Variants in TRIM44 observed in about 807,000 individuals in gnomAD.
TRIM44 encodes tripartite motif-containing protein 44.
A neutral mutation model predicts 37.4 loss-of-function variants in TRIM44; 13 were observed. The ratio of observed to expected loss-of-function variants is 0.35; its 90% CI spans 0.23 to 0.55. TRIM44 has a LOEUF of 0.55. TRIM44 is among the 20% of genes least tolerant of loss of function. The pLI is 0.89. For missense variants in TRIM44, 426 were observed against 437.2 expected (o/e 0.97, Z 0.23); for synonymous variants, 175 against 157.2 (o/e 1.11, Z -0.85).
At chr11:35,781,198 A>G (rs2133872023) in intron 4 of TRIM44, among the ~76,000 whole-genome samples, 1 of 152,268 alleles carries the variant, frequency 6.6e-6, no homozygotes, top group East Asian at 1.9e-4. Flanking sequence ...TGTTATAGGC[A>G]AAGGAGCAGG....
rs1216732691 is a variant in TRIM44, at chr11:35,663,406, A to G, written c.295A>G (p.Ser99Gly). 5 of 1,589,546 alleles carry G rather than the reference A, an allele frequency of 3.1e-6. No homozygotes were observed. Among genetic ancestry groups the G allele is most frequent in the Non-Finnish European group, 4.3e-6 (5 of 1,166,692 alleles). The change falls in exon 1 of 5, where the codon AGT becomes GGT. Residue 99 changes from serine to glycine, a missense_variant. This residue lies in a region of TRIM44 where 331 missense variants were observed against 303.0 expected (regional missense o/e 1.09). Coordinates refer to ENST00000299413, the MANE Select transcript of TRIM44 (RefSeq NM_017583.6). ...REIESEAGEE[S>G]ESEEESESEE... is the part of the protein sequence containing the mutation. ...GATAGAAAGCGAGGCAGGGGAAGAG[A>G]GTGAGTCGGAGGAAGAGAGCGAGTC...
At chr11:35,766,146 C>T (rs529835758) in intron 4 of TRIM44, among the ~76,000 whole-genome samples, 34 of 152,254 alleles carry the variant, frequency 2.2e-4, no homozygotes, top group Admixed American at 2.0e-3. Flanking sequence ...TCTCTTCTTC[C>T]TATGTAATTT....
chr11:35,684,239 A>C (rs1026048180), intron 1 of TRIM44, among the ~76,000 whole-genome samples: 44 of 152,132 alleles, frequency 2.9e-4, no homozygotes, highest in African/African-American at 1.1e-3. Context: ...ATTGTGAAAT[A>C]CTAGATTTCA....
chr11:35,673,700 G>C (rs1042369809), intron 1 of TRIM44, among the ~76,000 whole-genome samples: 1 of 152,064 alleles, frequency 6.6e-6, no homozygotes. Flanking sequence ...ATCAAAATAG[G>C]ATGAGTTCAT....
chr11:35,744,838 A>G (rs1483242966), intron 4 of TRIM44, among the ~76,000 whole-genome samples: 3 of 151,962 alleles, frequency 2.0e-5, no homozygotes, highest in Non-Finnish European at 4.4e-5. Flanking sequence ...TTCTGTTCCT[A>G]TGTTAGTTTC....
chr11:35,663,468 T>A lies in TRIM44; in HGVS notation c.357T>A (p.Asp119Glu). 8 of 1,564,146 alleles carry A rather than the reference T, an allele frequency of 5.1e-6. No individual in the cohort carries two copies. Among genetic ancestry groups the A allele is most frequent in the Non-Finnish European group, 6.9e-6 (8 of 1,154,070 alleles). Residue 119 changes from aspartate (D) to glutamate (E), a missense_variant, in exon 1 of 5, where the codon GAT (aspartate) becomes GAA (glutamate). By Grantham distance (45) the Asp-to-Glu change is conservative (BLOSUM62 2). Coordinates refer to ENST00000299413, the MANE Select transcript of TRIM44 (RefSeq NM_017583.6). ...GCGAGACAGAGGAAGAGAGTGAGGATGAGAGCGATGAGGAGAGTGAAGAAG... is the reference window on the plus strand; with the variant it reads ...GCGAGACAGAGGAAGAGAGTGAGGAAGAGAGCGATGAGGAGAGTGAAGAAG... Reference protein sequence around the residue: ...EESETEEESEDESDEESEEDS... With the variant: ...EESETEEESEEESDEESEEDS...
intron 2 of TRIM44, among the ~76,000 whole-genome samples, chr11:35,712,383 C>T (rs948969802): frequency 2.0e-5 from 3 of 151,958 alleles, no homozygotes; most frequent in Non-Finnish European, 2.9e-5. Flanking sequence ...AAATATATTC[C>T]CACTTTAAAG....
chr11:35,710,912 C>T (rs1294754378), intron 2 of TRIM44, among the ~76,000 whole-genome samples: 2 of 152,124 alleles, frequency 1.3e-5, no homozygotes, highest in Admixed American at 1.3e-4. Flanking sequence ...ATCTTGAACC[C>T]CATCAGTAGT....
chr11:35,784,676 G>A (rs1453203258), intron 4 of TRIM44, among the ~76,000 whole-genome samples: 3 of 152,142 alleles, frequency 2.0e-5, no homozygotes, highest in African/African-American at 7.2e-5. Context: ...AAGGGGTTTG[G>A]AAATGTTTAT....
chr11:35,814,395 G>A lies in TRIM44; in HGVS notation c.*8010G>A, dbSNP rs1853557799. The A allele has an allele frequency of 6.6e-6, 1 of 152,184 alleles. No homozygotes were observed. The highest frequency in any genetic ancestry group is 2.1e-4 in the South Asian group (1 of 4,824). The allele number at this position is 152,184 out of a possible 1,614,324, so 9.4% of individuals were successfully genotyped here. A position where few individuals can be genotyped will look rare whatever the true frequency, so the allele number is the denominator to read the frequency against. On this transcript the variant is annotated 3_prime_UTR_variant, in exon 5 of 5. Transcript: ENST00000299413. ...GCCACTTTTGACCTTAATCCATGTT[G>A]GAGCCATCAATCAAAGAATTGCTTG...
chr11:35,757,925 G>A (rs899652791), intron 4 of TRIM44, among the ~76,000 whole-genome samples: 22 of 152,118 alleles, frequency 1.4e-4, no homozygotes, highest in Non-Finnish European at 3.1e-4. Context: ...CCCACTATGC[G>A]GTCAATTTTG....
At position 35,808,719 on chromosome 11, in the gene TRIM44, T is replaced by TA. The variant is rs1171486411; in HGVS notation, c.*2338dup. ...GACTCCTGCTGTCTTCAGTACCTGA[T>TA]AAAACTTTAACCAGGGAAGCATTAA... On this transcript the variant is annotated 3_prime_UTR_variant, in exon 5 of 5. Transcript: ENST00000299413. 1 of 152,246 alleles carries TA rather than the reference T, an allele frequency of 6.6e-6. No individual in the cohort carries two copies. The highest frequency in any genetic ancestry group is 1.5e-5 in the Non-Finnish European group (1 of 68,040). The allele number at this position is 152,246 out of a possible 1,614,324, so 9.4% of individuals were successfully genotyped here. A position where few individuals can be genotyped will look rare whatever the true frequency, so the allele number is the denominator to read the frequency against.
At chr11:35,671,603 C>A (rs1851394296) in intron 1 of TRIM44, among the ~76,000 whole-genome samples, 1 of 152,160 alleles carries the variant, frequency 6.6e-6, no homozygotes. Context: ...AAGTTCTTGC[C>A]AAAGTCTGCT....
chr11:35,810,913 T>G lies in TRIM44; in HGVS notation c.*4528T>G, dbSNP rs1489928554. The G allele has an allele frequency of 6.6e-6, 1 of 152,218 alleles. No homozygotes were observed. The highest frequency in any genetic ancestry group is 1.5e-5 in the Non-Finnish European group (1 of 68,032). 9.4% of individuals were successfully genotyped at this position (152,218 alleles called of 1,614,324 possible). A position where few individuals can be genotyped will look rare whatever the true frequency, so the allele number is the denominator to read the frequency against. ...GGGAACACTGAATCTTTCAAGGGAATTACACGTTTGGGTTAATGTTTCAGT... is the reference window on the plus strand; with the variant it reads ...GGGAACACTGAATCTTTCAAGGGAAGTACACGTTTGGGTTAATGTTTCAGT... On this transcript the variant is annotated 3_prime_UTR_variant, in exon 5 of 5. Transcript: ENST00000299413.
At chr11:35,800,276 C>T (rs553873292) in intron 4 of TRIM44, among the ~76,000 whole-genome samples, 1 of 152,118 alleles carries the variant, frequency 6.6e-6, no homozygotes, top group Non-Finnish European at 1.5e-5. Flanking sequence ...AAAGAGTGAG[C>T]GAGCAGCAAG....
At chr11:35,725,310 A>G (rs1365716384) in intron 2 of TRIM44, among the ~76,000 whole-genome samples, 1 of 152,100 alleles carries the variant, frequency 6.6e-6, no homozygotes, top group Non-Finnish European at 1.5e-5. Flanking sequence ...TATTAACAGT[A>G]ATTGGGGCGG....
rs190111237 is a variant in TRIM44, at chr11:35,696,467, C to A, written c.747+11131C>A. On this transcript the variant is annotated intron_variant, in intron 2 of 4. Coordinates refer to ENST00000299413, the MANE Select transcript of TRIM44 (RefSeq NM_017583.6). ...GTCAAAAATTTTTTAAAAGCTAAAA[C>A]CTTTACTCACTGATAGAGTGAAGAC... 3.9e-3 allele frequency among the ~76,000 whole-genome samples: 584 copies of A among 151,554 alleles called. 7 individuals are homozygous for A. The highest frequency in any genetic ancestry group is 5.7e-3 in the Non-Finnish European group (387 of 67,862).
At chr11:35,770,841 C>T (rs1409923079) in intron 4 of TRIM44, among the ~76,000 whole-genome samples, 4 of 152,102 alleles carry the variant, frequency 2.6e-5, no homozygotes, top group Admixed American at 6.6e-5. Context: ...ATAAGTCTCA[C>T]GAGATCTTTC....
At chr11:35,751,684 T>C (rs1255978399) in intron 4 of TRIM44, among the ~76,000 whole-genome samples, 1 of 152,182 alleles carries the variant, frequency 6.6e-6, no homozygotes, top group Non-Finnish European at 1.5e-5. Context: ...GTGAATGAAA[T>C]AAAGGTAAGT....
Sources: allele counts gnomAD v4.1 joint callset (sites outside exome capture counted in the v4.1 genomes callset), GRCh38; gene constraint gnomAD v4.1.1; regional missense constraint gnomAD v4.1.1; transcripts MANE v1.5; gene names NCBI Gene and HGNC (gene_info 2026-07-23, HGNC 2026-07-21).